The following USH2A variants were observed in gnomAD, a reference collection of about 807,000 sequenced individuals.
The protein encoded by USH2A is usherin.
A neutral mutation model predicts 538.9 loss-of-function variants in USH2A; 443 were observed. That is an observed-to-expected ratio of 0.82 (90% confidence interval 0.76 to 0.89). The LOEUF is 0.89. Ranked by LOEUF, USH2A falls within the 40% of genes least tolerant of loss-of-function variation. The pLI is 0.00. For missense variants in USH2A, 6,633 were observed against 6,324.8 expected, an observed-to-expected ratio of 1.05 and a Z score of -1.65; for synonymous variants, 2,413 against 2,273.5, an observed-to-expected ratio of 1.06 and a Z score of -1.75.
At chr1:215,944,522 G>A (rs1439346892) in intron 37 of USH2A, among the ~76,000 whole-genome samples, 2 of 152,042 alleles carry the variant, frequency 1.3e-5, no homozygotes, top group African/African-American at 4.8e-5. Context: ...CTTCATTAAT[G>A]TTTTGATTAT....
chr1:216,181,012 C>T (rs2034483257), intron 20 of USH2A, among the ~76,000 whole-genome samples: 1 of 152,080 alleles, frequency 6.6e-6, no homozygotes, highest in African/African-American at 2.4e-5. Context: ...CCCCGAAACT[C>T]TCAGGGGTGA....
intron 44 of USH2A, among the ~76,000 whole-genome samples, chr1:215,851,235 A>G (rs892770740): frequency 6.6e-6 from 1 of 152,170 alleles, no homozygotes; most frequent in African/African-American, 2.4e-5. Context: ...AACCAAAACA[A>G]TACAAAAGAT....
chr1:215,796,864 C>G, intron 50 of USH2A, among the ~76,000 whole-genome samples: 1 of 152,088 alleles, frequency 6.6e-6, no homozygotes, highest in South Asian at 2.1e-4. Flanking sequence ...GCTCCTCTTC[C>G]TCCCACACCT....
intron 43 of USH2A, among the ~76,000 whole-genome samples, chr1:215,870,375 A>G (rs918168658): frequency 6.6e-6 from 1 of 151,246 alleles, no homozygotes; most frequent in African/African-American, 2.4e-5. Flanking sequence ...GCTCACTGCA[A>G]ACTCCGCCTC....
intron 27 of USH2A, among the ~76,000 whole-genome samples, chr1:216,075,617 C>T (rs1010712592): frequency 6.6e-6 from 1 of 151,990 alleles, no homozygotes; most frequent in Non-Finnish European, 1.5e-5. Flanking sequence ...AATTTGAGCC[C>T]CCACTCTCTC....
intron 9 of USH2A, among the ~76,000 whole-genome samples, chr1:216,319,272 T>A (rs75849647): frequency 6.6e-6 from 1 of 152,188 alleles, no homozygotes; most frequent in East Asian, 1.9e-4. Context: ...ATAATAAATG[T>A]TGCTTTAACT....
At chr1:216,081,548 A>G (rs1253756358) in intron 26 of USH2A, among the ~76,000 whole-genome samples, 3 of 152,096 alleles carry the variant, frequency 2.0e-5, no homozygotes, top group Non-Finnish European at 1.5e-5. Context: ...AAGAAAGCCA[A>G]GCACATAATA....
rs137997063 is a variant in USH2A at position 215,858,088 on chromosome 1, T to G, written c.8845+8919A>C. On this transcript the variant is annotated intron_variant, in intron 44 of 71. Coordinates refer to ENST00000307340, the MANE Select transcript of USH2A (RefSeq NM_206933.4). ...TGAGTTACAGTTATACAATATGGAG[T>G]TAAGGCTTGTACTTGCTTGTATTTG... Among the ~76,000 whole-genome samples, 854 of 152,212 alleles carry G rather than the reference T, an allele frequency of 5.6e-3. 7 individuals are homozygous for G. The highest frequency in any genetic ancestry group is 0.034 in the Middle Eastern group (10 of 294).
rs140370549 is a variant in USH2A at position 215,971,367 on chromosome 1, T to C, written c.6806-591A>G. ...CATCTCTTTATATGACCAGGTCCAATCATATAAGCATTGAAAATCTGCAGC... is the reference window on the plus strand; with the variant it reads ...CATCTCTTTATATGACCAGGTCCAACCATATAAGCATTGAAAATCTGCAGC... On this transcript the variant is annotated intron_variant, in intron 35 of 71. Coordinates refer to ENST00000307340, the MANE Select transcript of USH2A (RefSeq NM_206933.4). 1.9e-3 allele frequency among the ~76,000 whole-genome samples: 287 copies of C among 152,214 alleles called. 2 individuals carry two copies. Among genetic ancestry groups the C allele is most frequent in the African/African-American group, 6.6e-3 (274 of 41,558 alleles).
At chr1:215,646,626 A>C (rs1656860095) in intron 67 of USH2A, among the ~76,000 whole-genome samples, 1 of 152,064 alleles carries the variant, frequency 6.6e-6, no homozygotes, top group Non-Finnish European at 1.5e-5. Context: ...TCCTGGGTTA[A>C]AGTGATTCTC....
At chr1:216,172,464 A>G (rs1430233036) in intron 21 of USH2A, among the ~76,000 whole-genome samples, 1 of 152,130 alleles carries the variant, frequency 6.6e-6, no homozygotes, top group Admixed American at 6.6e-5. Flanking sequence ...ATCTTAGTTT[A>G]TCTTAAAGTT....
At chr1:215,639,051 T>A in intron 69 of USH2A, 104 bp downstream of exon 69, 1 of 1,115,962 alleles carries the variant, frequency 9.0e-7, no homozygotes, top group Non-Finnish European at 1.4e-6. Flanking sequence ...TTCTGTATAG[T>A]CTATGCTAAT....
chr1:215,770,145 A>C (rs937551610), intron 55 of USH2A, among the ~76,000 whole-genome samples: 1 of 152,154 alleles, frequency 6.6e-6, no homozygotes, highest in Non-Finnish European at 1.5e-5. Context: ...TTTGTCCACT[A>C]TCAGGCTTTG....
chr1:215,760,611 A>T (rs1044237503), intron 56 of USH2A, among the ~76,000 whole-genome samples: 2 of 152,160 alleles, frequency 1.3e-5, no homozygotes, highest in African/African-American at 4.8e-5. Context: ...TGCAAAACAG[A>T]ACTCTTGTTT....
At chr1:216,123,589 G>A (rs17648224) in intron 21 of USH2A, among the ~76,000 whole-genome samples, 1 of 151,292 alleles carries the variant, frequency 6.6e-6, no homozygotes, top group African/African-American at 2.4e-5. Flanking sequence ...CCTTTTTTTC[G>A]CATTATTGTA....
intron 21 of USH2A, among the ~76,000 whole-genome samples, chr1:216,165,132 T>C (rs762102089): frequency 1.3e-5 from 2 of 152,170 alleles, no homozygotes; most frequent in African/African-American, 4.8e-5. Flanking sequence ...AATCCATCCA[T>C]AGCATTGATC....
chr1:215,828,215 C>A (rs1663209502), intron 47 of USH2A, among the ~76,000 whole-genome samples: 1 of 152,004 alleles, frequency 6.6e-6, no homozygotes, highest in Admixed American at 6.6e-5. Flanking sequence ...TTTAGGAGGC[C>A]AAGGCGGGAG....
chr1:215,728,490 T>C, intron 60 of USH2A, 106 bp from the exon 61 acceptor site: 1 of 1,113,734 alleles, frequency 9.0e-7, no homozygotes, highest in Non-Finnish European at 1.3e-6. Context: ...AACTTAACTT[T>C]TCAGCTGTTT....
chr1:216,188,081 C>G (rs1470935978), intron 20 of USH2A, among the ~76,000 whole-genome samples: 3 of 151,900 alleles, frequency 2.0e-5, no homozygotes, highest in Non-Finnish European at 4.4e-5. Context: ...AGGGCTCTGA[C>G]TAGTTAGTTT....
Sources: gnomAD v4.1 joint callset for allele counts (sites outside exome capture counted in the v4.1 genomes callset) on GRCh38, gnomAD v4.1.1 for gene constraint, MANE v1.5 for transcripts, NCBI Gene and HGNC (gene_info 2026-07-23, HGNC 2026-07-21) for gene names.